The following RAP1GAP2 variants were observed in gnomAD, a reference collection of about 807,000 sequenced individuals.
The protein encoded by RAP1GAP2 is RAP1 GTPase activating protein 2.
RAP1GAP2 carries 27 observed loss-of-function variants against 95.0 expected under a neutral mutation model. The ratio of observed to expected loss-of-function variants is 0.28; its 90% CI spans 0.21 to 0.39. The LOEUF is 0.39. Ranked by LOEUF, RAP1GAP2 falls within the 10% of genes least tolerant of loss-of-function variation. The pLI is 1.00. For synonymous variants in RAP1GAP2, 373 were observed against 380.9 expected (o/e 0.98, Z 0.24); for missense variants, 771 against 970.0 (o/e 0.79, Z 2.72).
intron 17 of RAP1GAP2, among the ~76,000 whole-genome samples, chr17:3,011,543 T>C (rs183185540): frequency 4.2e-4 from 64 of 151,844 alleles, no homozygotes; most frequent in African/African-American, 1.5e-3. Context: ...GGATCGCTCT[T>C]GAAACAAGTG....
upstream of RAP1GAP2, among the ~76,000 whole-genome samples, chr17:2,776,492 G>A (rs1040581640): frequency 1.3e-5 from 2 of 152,054 alleles, no homozygotes; most frequent in Admixed American, 1.3e-4. Context: ...GCCTTGGGCA[G>A]CCCCCAGGGA....
At chr17:3,016,304 G>T (rs1460645360) in intron 17 of RAP1GAP2, among the ~76,000 whole-genome samples, 1 of 152,262 alleles carries the variant, frequency 6.6e-6, no homozygotes, top group Non-Finnish European at 1.5e-5. Context: ...CCACTGGCAA[G>T]AGGATAGGCT....
At chr17:2,766,166 T>C (rs2068271939) in intron 1 of RAP1GAP2, among the ~76,000 whole-genome samples, 1 of 152,142 alleles carries the variant, frequency 6.6e-6, no homozygotes, top group Non-Finnish European at 1.5e-5. Context: ...CTCTTTTAGA[T>C]CCGGGACACT....
At chr17:2,927,343 CG>C (rs1188116817) in intron 3 of RAP1GAP2, among the ~76,000 whole-genome samples, 2 of 151,470 alleles carry the variant, frequency 1.3e-5, no homozygotes, top group South Asian at 2.1e-4. Flanking sequence ...TTAGTAGAGA[CG>C]GGGTTTCACC....
intron 17 of RAP1GAP2, among the ~76,000 whole-genome samples, chr17:3,015,533 T>G (rs1399931873): frequency 6.6e-6 from 1 of 152,090 alleles, no homozygotes; most frequent in Admixed American, 6.6e-5. Flanking sequence ...CTAAGATGAC[T>G]CAAGGCTGGG....
intron 20 of RAP1GAP2, 53 bp downstream of exon 20, chr17:3,026,174 C>A (rs2047108669): frequency 1.4e-6 from 2 of 1,441,906 alleles, no homozygotes; most frequent in African/African-American, 1.4e-5. Flanking sequence ...AGCCCTGGAA[C>A]ACGCCCTCTG....
chr17:3,011,768 C>T (rs999852899), intron 17 of RAP1GAP2, among the ~76,000 whole-genome samples: 51 of 151,980 alleles, frequency 3.4e-4, no homozygotes, highest in Non-Finnish European at 7.4e-5. Flanking sequence ...TACAGGTGCC[C>T]GCCACCACAC....
chr17:2,829,380 G>A (rs1034306594), intron 2 of RAP1GAP2, among the ~76,000 whole-genome samples: 4 of 152,002 alleles, frequency 2.6e-5, no homozygotes, highest in African/African-American at 2.4e-5. Context: ...CTTCCTTCCC[G>A]TGGCTTCAGA....
chr17:2,876,367 A>G (rs2151654802), intron 2 of RAP1GAP2, among the ~76,000 whole-genome samples: 1 of 152,270 alleles, frequency 6.6e-6, no homozygotes, highest in South Asian at 2.1e-4. Context: ...GTTGGGCTAC[A>G]GGTGGTTTTA....
upstream of RAP1GAP2, among the ~76,000 whole-genome samples, chr17:2,776,383 T>C (rs1194230838): frequency 6.6e-6 from 1 of 151,852 alleles, no homozygotes; most frequent in African/African-American, 2.4e-5. Context: ...ATTGCCCCCA[T>C]TGCATCTTCC....
intron 2 of RAP1GAP2, among the ~76,000 whole-genome samples, chr17:2,809,076 C>T (rs909156477): frequency 7.2e-5 from 11 of 152,164 alleles, no homozygotes; most frequent in Admixed American, 2.6e-4. Flanking sequence ...ATTTGCCAGG[C>T]GGCAAGGTCT....
chr17:2,927,308 C>G (rs574019750), intron 3 of RAP1GAP2, among the ~76,000 whole-genome samples: 4 of 151,974 alleles, frequency 2.6e-5, no homozygotes, highest in Non-Finnish European at 4.4e-5. Context: ...CACCCGCCAC[C>G]GCGCCCGGCT....
chr17:3,006,092 T>C, intron 16 of RAP1GAP2, 51 bp downstream of exon 16: 1 of 1,435,730 alleles, frequency 7.0e-7, no homozygotes, highest in Non-Finnish European at 9.8e-7. Context: ...GGCCACCTGT[T>C]AGCCAGCCTC....
chr17:2,932,645 G>A (rs916872020), intron 3 of RAP1GAP2, among the ~76,000 whole-genome samples: 3 of 144,160 alleles, frequency 2.1e-5, no homozygotes, highest in Admixed American at 7.0e-5. Context: ...GTGAAACCCC[G>A]TCTCTACTAA....
chr17:2,800,104 T>C, intron 1 of RAP1GAP2: 2 of 763,352 alleles, frequency 2.6e-6, no homozygotes, highest in Non-Finnish European at 3.2e-6. Flanking sequence ...CCACCTGGCA[T>C]TCAGATTGAC....
Position 3,029,422 on chromosome 17 carries a change from G to A in RAP1GAP2, c.2108-1500G>A, listed in dbSNP as rs2047223643. On this transcript the variant is annotated intron_variant, in intron 22 of 24. Coordinates refer to ENST00000254695, the MANE Select transcript of RAP1GAP2 (RefSeq NM_015085.5). This position sits in a 1 kb window ranked among gnomAD's most constrained non-coding sequence, Gnocchi z 4.4. ...CCCCAGCCCACGAAAGATGTGCTTGGTACCCACTGGATCAGGGTGGGCTTG... is the reference window on the plus strand; with the variant it reads ...CCCCAGCCCACGAAAGATGTGCTTGATACCCACTGGATCAGGGTGGGCTTG... Among the ~76,000 whole-genome samples, 1 of 152,112 alleles carries A rather than the reference G, an allele frequency of 6.6e-6. No homozygotes were observed.
At chr17:2,898,545 T>C (rs555447799) in intron 2 of RAP1GAP2, among the ~76,000 whole-genome samples, 1 of 152,312 alleles carries the variant, frequency 6.6e-6, no homozygotes, top group African/African-American at 2.4e-5. Context: ...AATTGAGCCA[T>C]GTGCATATAC....
chr17:2,790,837 C>T (rs1344265613), intron 1 of RAP1GAP2, among the ~76,000 whole-genome samples: 1 of 152,232 alleles, frequency 6.6e-6, no homozygotes, highest in Non-Finnish European at 1.5e-5. Flanking sequence ...GGGGCTGCTG[C>T]TGACAGGAGC....
At chr17:2,972,689 G>A (rs1160330109) in intron 8 of RAP1GAP2, among the ~76,000 whole-genome samples, 1 of 150,882 alleles carries the variant, frequency 6.6e-6, no homozygotes, top group East Asian at 1.9e-4. Flanking sequence ...CCTTACGAAT[G>A]TAGAAATCAA....
Sources: allele counts gnomAD v4.1 joint callset (sites outside exome capture counted in the v4.1 genomes callset), GRCh38; gene constraint gnomAD v4.1.1; non-coding constraint Gnocchi (gnomAD v3.1); transcripts MANE v1.5; gene names NCBI Gene and HGNC (gene_info 2026-07-23, HGNC 2026-07-21).